SEM1: variants seen among roughly 807,000 people sequenced by gnomAD.
The protein encoded by SEM1 is SEM1 26S proteasome subunit, also known as 26S proteasome complex subunit SEM1.
In SEM1, 3 loss-of-function variants were observed where a neutral mutation model predicts 12.7. That is an observed-to-expected ratio of 0.24 (90% CI 0.11 to 0.61). The LOEUF is 0.61. SEM1 is among the 20% of genes least tolerant of loss of function. The pLI is 0.88. For synonymous variants in SEM1, 30 were observed against 27.8 expected, an observed-to-expected ratio of 1.08 and a Z score of -0.25; for missense variants, 59 against 81.3, an observed-to-expected ratio of 0.73 and a Z score of 1.06.
chr7:96,552,830 A>G (rs1445164830), intron 2 of SEM1, among the ~76,000 whole-genome samples: 2 of 151,056 alleles, frequency 1.3e-5, no homozygotes, highest in African/African-American at 4.9e-5. Context: ...AAGTGTTCCT[A>G]TTTCTCCACA....
At chr7:96,547,230 C>T (rs1033100052) in intron 2 of SEM1, among the ~76,000 whole-genome samples, 1 of 152,048 alleles carries the variant, frequency 6.6e-6, no homozygotes, top group African/African-American at 2.4e-5. Context: ...TTGATGTTTC[C>T]TTCATTGATG....
intron 2 of SEM1, among the ~76,000 whole-genome samples, chr7:96,590,742 G>T (rs993118938): frequency 6.6e-6 from 1 of 152,200 alleles, no homozygotes; most frequent in Non-Finnish European, 1.5e-5. Flanking sequence ...TGAGCATGCA[G>T]TCTTGTCATC....
chr7:96,584,756 G>C (rs1175738534), intron 2 of SEM1, among the ~76,000 whole-genome samples: 1 of 151,942 alleles, frequency 6.6e-6, no homozygotes, highest in Admixed American at 6.6e-5. Context: ...CCAGTTGACC[G>C]CATTGGCTCC....
intron 1 of SEM1, chr7:96,708,040 T>A (rs796267933): frequency 2.6e-5 from 4 of 152,332 alleles, no homozygotes; most frequent in African/African-American, 9.6e-5. Flanking sequence ...AAGGTGATAG[T>A]GATAATTAGA....
rs115718233 is a variant in SEM1 at position 96,661,284 on chromosome 7, T to C, written c.170+33514A>G. On this transcript the variant is annotated intron_variant, in intron 2 of 2. Coordinates refer to the SEM1 transcript ENST00000417009. ...TCCATAGAGGTTTATGGAAAGACATTTGCACCTAAGAGATGGCTATATCAT... is the reference window on the plus strand; with the variant it reads ...TCCATAGAGGTTTATGGAAAGACATCTGCACCTAAGAGATGGCTATATCAT... Among the ~76,000 whole-genome samples, 364 of 152,286 alleles carry C rather than the reference T, an allele frequency of 2.4e-3. 2 individuals carry two copies. Among genetic ancestry groups the C allele is most frequent in the African/African-American group, 8.4e-3 (348 of 41,560 alleles).
At chr7:96,580,539 T>C (rs1208946032) in intron 2 of SEM1, among the ~76,000 whole-genome samples, 56 of 151,968 alleles carry the variant, frequency 3.7e-4, no homozygotes, top group African/African-American at 1.2e-3. Context: ...CCTGAGGAAA[T>C]GCCACACTGA....
chr7:96,500,390 T>A (rs1803482624), upstream of SEM1, among the ~76,000 whole-genome samples: 1 of 152,120 alleles, frequency 6.6e-6, no homozygotes, highest in Non-Finnish European at 1.5e-5. Flanking sequence ...TGTGTTTTTT[T>A]ATGAGTTCAA....
intron 2 of SEM1, among the ~76,000 whole-genome samples, chr7:96,675,400 G>C (rs567549628): frequency 1.3e-5 from 2 of 152,174 alleles, no homozygotes; most frequent in South Asian, 4.1e-4. Context: ...TCAGGAAACT[G>C]GTCACTTAAA....
intron 2 of SEM1, among the ~76,000 whole-genome samples, chr7:96,538,313 T>C (rs1209619798): frequency 6.6e-6 from 1 of 151,822 alleles, no homozygotes; most frequent in Non-Finnish European, 1.5e-5. Context: ...TGAGCCTAAT[T>C]CAGATAGTTG....
At chr7:96,701,051 A>C (rs1790257564) in intron 1 of SEM1, among the ~76,000 whole-genome samples, 1 of 152,154 alleles carries the variant, frequency 6.6e-6, no homozygotes. Flanking sequence ...GAATATATTC[A>C]AAATTACTAA....
At chr7:96,639,099 C>T (rs1342576195) in intron 2 of SEM1, among the ~76,000 whole-genome samples, 1 of 151,982 alleles carries the variant, frequency 6.6e-6, no homozygotes, top group Non-Finnish European at 1.5e-5. Context: ...AAAGTAATTT[C>T]ACTTTGTCAA....
chr7:96,567,466 T>C (rs1805877140), intron 2 of SEM1, among the ~76,000 whole-genome samples: 2 of 150,540 alleles, frequency 1.3e-5, no homozygotes, highest in South Asian at 4.2e-4. Flanking sequence ...TAAATAATGA[T>C]AATTCTGTGT....
chr7:96,694,789 A>C lies in SEM1; in HGVS notation c.170+9T>G. Reference sequence around the variant, plus strand: ...CTGAACTACAATAAAAATCTGGCTTAAAACTTACCGTAACTGATTAGAGAA... The same window carrying C: ...CTGAACTACAATAAAAATCTGGCTTCAAACTTACCGTAACTGATTAGAGAA... On this transcript the variant is annotated intron_variant, in intron 2 of 2. Coordinates refer to ENST00000248566, the MANE Select transcript of SEM1 (RefSeq NM_006304.2). 1 of 1,580,380 alleles carries C rather than the reference A, an allele frequency of 6.3e-7. No homozygotes were observed.
At chr7:96,518,154 A>G (rs757349972) in intron 2 of SEM1, among the ~76,000 whole-genome samples, 19 of 152,154 alleles carry the variant, frequency 1.2e-4, no homozygotes, top group Non-Finnish European at 8.8e-5. Flanking sequence ...GTAGTAATCC[A>G]TTCTCTAATG....
upstream of SEM1, among the ~76,000 whole-genome samples, chr7:96,499,182 T>A (rs62470041): frequency 0.13 from 19,550 of 152,128 alleles, 1,285 homozygotes; most frequent in South Asian, 0.18. Context: ...CATAGTTATG[T>A]CAAGAAATTT....
At chr7:96,500,215 T>C (rs1803469656), upstream of SEM1, among the ~76,000 whole-genome samples, 1 of 151,572 alleles carries the variant, frequency 6.6e-6, no homozygotes, top group Admixed American at 6.6e-5. Flanking sequence ...CCCAGGGCAG[T>C]CTTGAGAATA....
intron 2 of SEM1, among the ~76,000 whole-genome samples, chr7:96,647,757 C>G: frequency 6.6e-6 from 1 of 152,202 alleles, no homozygotes; most frequent in East Asian, 1.9e-4. Context: ...TAGCCAAAGA[C>G]AACCTGAAAT....
chr7:96,564,186 C>T (rs1014953446), intron 2 of SEM1, among the ~76,000 whole-genome samples: 1 of 151,854 alleles, frequency 6.6e-6, no homozygotes, highest in African/African-American at 2.4e-5. Flanking sequence ...CATTTTGAGT[C>T]GATTTTGATG....
intron 2 of SEM1, among the ~76,000 whole-genome samples, chr7:96,654,587 C>T (rs1809117399): frequency 6.6e-6 from 1 of 152,210 alleles, no homozygotes; most frequent in Admixed American, 6.5e-5. Flanking sequence ...AAATGCTACT[C>T]TACCAGTGAG....
Sources: allele counts gnomAD v4.1 joint callset (sites outside exome capture counted in the v4.1 genomes callset), GRCh38; gene constraint gnomAD v4.1.1; transcripts MANE v1.5; gene names NCBI Gene and HGNC (gene_info 2026-07-23, HGNC 2026-07-21).